Variants in FHOD3 observed in about 807,000 individuals in gnomAD.
The protein encoded by FHOD3 is formin homology 2 domain containing 3, also known as FH1/FH2 domain-containing protein 3.
In FHOD3, 90 loss-of-function variants were observed where a neutral mutation model predicts 173.0. The ratio of observed to expected loss-of-function variants is 0.52; its 90% confidence interval spans 0.44 to 0.62. The LOEUF is 0.62. Among genes scored for constraint, FHOD3 ranks in the 20% least tolerant of loss-of-function variants. The pLI, the probability that FHOD3 is intolerant of heterozygous loss-of-function variation, is 0.00. For missense variants in FHOD3, 1,945 were observed against 2,034.7 expected, an observed-to-expected ratio of 0.96 and a Z score of 0.85; for synonymous variants, 828 against 823.0, an observed-to-expected ratio of 1.01 and a Z score of -0.10.
intron 5 of FHOD3, among the ~76,000 whole-genome samples, chr18:36,547,150 G>T (rs1388084799): frequency 6.6e-6 from 1 of 152,170 alleles, no homozygotes. Context: ...TGGCATCCTT[G>T]TGGGGACGAA....
At position 36,671,445 on chromosome 18, in the gene FHOD3, C is replaced by G. The variant is rs575985056; in HGVS notation, c.1836-9991C>G. 1.3e-4 allele frequency among the ~76,000 whole-genome samples: 20 copies of G among 152,320 alleles called. No homozygotes were observed. The South Asian group carries it at 3.9e-3, about 30-fold the overall frequency. The stretch of plus-strand genomic sequence containing the variant: ...GATTTTTTCTGGTTTTTAGTTGTTT[C>G]AGGTACAGGTAAATCTGGTTCCTGT... On this transcript the variant is annotated intron_variant, in intron 14 of 28. Transcript: ENST00000590592.
chr18:36,557,219 C>T (rs1164247145), intron 5 of FHOD3, among the ~76,000 whole-genome samples: 2 of 152,090 alleles, frequency 1.3e-5, no homozygotes, highest in Admixed American at 6.5e-5. Flanking sequence ...TGAGAATATT[C>T]AGCATTATAT....
At chr18:36,384,759 T>C (rs1461981639) in intron 3 of FHOD3, among the ~76,000 whole-genome samples, 1 of 152,208 alleles carries the variant, frequency 6.6e-6, no homozygotes, top group Non-Finnish European at 1.5e-5. Context: ...AGAAAGTTAC[T>C]CACCCCTTGG....
intron 4 of FHOD3, among the ~76,000 whole-genome samples, chr18:36,510,158 T>G (rs187241072): frequency 5.6e-4 from 85 of 152,350 alleles, no homozygotes; most frequent in African/African-American, 2.0e-3. Flanking sequence ...GGGTTGAATA[T>G]TCCTTGACCA....
At chr18:36,602,388 A>G (rs2031508813) in intron 7 of FHOD3, among the ~76,000 whole-genome samples, 1 of 152,158 alleles carries the variant, frequency 6.6e-6, no homozygotes, top group African/African-American at 2.4e-5. Context: ...AAAATTACAT[A>G]TTTAATATGA....
intron 8 of FHOD3, 52 bp downstream of exon 8, chr18:36,602,820 A>G (rs1277759978): frequency 2.2e-6 from 3 of 1,355,360 alleles, no homozygotes; most frequent in Non-Finnish European, 3.2e-6. Context: ...AGATATGTTA[A>G]AGCCCTGACC....
intron 10 of FHOD3, among the ~76,000 whole-genome samples, chr18:36,639,443 C>T (rs994731562): frequency 4.6e-5 from 7 of 151,988 alleles, no homozygotes; most frequent in South Asian, 4.1e-4. Flanking sequence ...GAGGCCAAGG[C>T]GGGCGGATCA....
chr18:36,562,058 C>T (rs1181974625), intron 5 of FHOD3, among the ~76,000 whole-genome samples: 1 of 150,948 alleles, frequency 6.6e-6, no homozygotes, highest in African/African-American at 2.4e-5. Flanking sequence ...ACTCTGTTAC[C>T]CAGGCTGGAG....
chr18:36,570,574 C>T (rs1284709201), intron 5 of FHOD3, among the ~76,000 whole-genome samples: 1 of 151,922 alleles, frequency 6.6e-6, no homozygotes, highest in Non-Finnish European at 1.5e-5. Flanking sequence ...GGTATGAAAA[C>T]CAGACATAAA....
intron 17 of FHOD3, 141 bp downstream of exon 17, chr18:36,693,564 A>T (rs2039088432): frequency 2.6e-6 from 2 of 760,674 alleles, no homozygotes; most frequent in Admixed American, 5.3e-5. Context: ...GGGGGTTGTG[A>T]CTGCAACTGC....
intron 1 of FHOD3, among the ~76,000 whole-genome samples, chr18:36,315,412 C>A (rs1467326063): frequency 6.6e-6 from 1 of 152,116 alleles, no homozygotes; most frequent in Non-Finnish European, 1.5e-5. Flanking sequence ...TGACCAAAGT[C>A]TTTCCCCTCT....
At chr18:36,678,057 T>A (rs879607995) in intron 14 of FHOD3, among the ~76,000 whole-genome samples, 176 of 152,330 alleles carry the variant, frequency 1.2e-3, no homozygotes, top group Non-Finnish European at 1.8e-3. Flanking sequence ...AACATAGGTT[T>A]TCTTGGATTA....
chr18:36,636,211 C>T (rs181826629), intron 10 of FHOD3, among the ~76,000 whole-genome samples: 88 of 152,248 alleles, frequency 5.8e-4, no homozygotes, highest in African/African-American at 2.0e-3. Flanking sequence ...TGGCAGTCCA[C>T]GCAGGCATGG....
At chr18:36,423,469 G>T (rs117924985) in intron 3 of FHOD3, among the ~76,000 whole-genome samples, 2 of 152,164 alleles carry the variant, frequency 1.3e-5, no homozygotes, top group Non-Finnish European at 2.9e-5. Context: ...AATCTGATGA[G>T]AATTCCTAAG....
chr18:36,514,782 G>T (rs760130251), intron 5 of FHOD3, among the ~76,000 whole-genome samples: 3 of 152,258 alleles, frequency 2.0e-5, no homozygotes, highest in Non-Finnish European at 4.4e-5. Flanking sequence ...CCCAGGCGAG[G>T]GGCACAACTC....
intron 1 of FHOD3, among the ~76,000 whole-genome samples, chr18:36,351,404 AC>A (rs1226068743): frequency 3.9e-5 from 6 of 152,168 alleles, no homozygotes; most frequent in Non-Finnish European, 8.8e-5. Flanking sequence ...GTCTCTGCTA[AC>A]GATAGCAGAA....
chr18:36,348,366 CAG>C (rs1252090981), intron 1 of FHOD3, among the ~76,000 whole-genome samples: 1 of 152,142 alleles, frequency 6.6e-6, no homozygotes, highest in East Asian at 1.9e-4. Flanking sequence ...GTGGGGCACT[CAG>C]GGGACCCATA....
In FHOD3 at chr18:36,576,752, CTCTTAAGCTT is replaced by C. The variant is rs35437314; in HGVS notation, c.606+209_606+218del. ...TTTTAATGCATTTCTCTTTTCTCTT[CTCTTAAGCTT>C]TAATCAAGTGCCTTTGGAACCTTCG... On this transcript the variant is annotated intron_variant, in intron 6 of 28. Transcript: ENST00000590592. Among the ~76,000 whole-genome samples, 1,347 of 152,292 alleles carry C rather than the reference CTCTTAAGCTT, an allele frequency of 8.8e-3. 20 individuals carry two copies. Among genetic ancestry groups the C allele is most frequent in the African/African-American group, 0.031 (1,302 of 41,544 alleles).
chr18:36,752,217 G>A (rs567376128), intron 24 of FHOD3, among the ~76,000 whole-genome samples: 8 of 152,236 alleles, frequency 5.3e-5, no homozygotes, highest in African/African-American at 1.9e-4. Context: ...GGGAATTATG[G>A]GAACTACAAT....
Sources: gnomAD v4.1 joint callset for allele counts (sites outside exome capture counted in the v4.1 genomes callset) on GRCh38, gnomAD v4.1.1 for gene constraint, MANE v1.5 for transcripts, NCBI Gene and HGNC (gene_info 2026-07-23, HGNC 2026-07-21) for gene names.